Variants in MAF1 observed in about 807,000 individuals in gnomAD.
MAF1 encodes the protein repressor of RNA polymerase III transcription MAF1 homolog.
A neutral mutation model predicts 31.9 loss-of-function variants in MAF1; 7 were observed. The observed-to-expected ratio is 0.22, with a 90% CI of 0.12 to 0.41. MAF1 has a LOEUF of 0.41. Among genes scored for constraint, MAF1 ranks in the 10% least tolerant of loss-of-function variants. MAF1 has a pLI of 1.00. For missense variants in MAF1, 221 were observed against 323.1 expected, an observed-to-expected ratio of 0.68 and a Z score of 2.42; for synonymous variants, 157 against 120.0, an observed-to-expected ratio of 1.31 and a Z score of -2.02.
In MAF1 at chr8:144,106,685, C is replaced by G; in HGVS notation, c.620+11C>G. The G allele has an allele frequency of 6.2e-7, 1 of 1,609,546 alleles. No individual in the cohort carries two copies. Among genetic ancestry groups the G allele is most frequent in the Non-Finnish European group, 8.5e-7 (1 of 1,177,154 alleles). ...CTGCCGTTCCATCAGGTGGGCACCC[C>G]CCGCCTCCTCCCCCACCTCCCTGTT... On this transcript the variant is annotated intron_variant, in intron 6 of 7. Coordinates refer to ENST00000322428, the MANE Select transcript of MAF1 (RefSeq NM_032272.5).
chr8:144,107,558 T>C lies in MAF1; in HGVS notation c.*449T>C. On this transcript the variant is annotated 3_prime_UTR_variant, in exon 8 of 8. Transcript: ENST00000322428. ...ACCTCGCCCATTTGGCCGCGTGCAC[T>C]GAGTGTCACTTTGCTGCAGCTCGTT... The C allele has an allele frequency of 1.6e-6, 1 of 617,720 alleles. No individual in the cohort carries two copies. The highest frequency in any genetic ancestry group is 2.8e-5 in the East Asian group (1 of 36,282). 38.3% of individuals were successfully genotyped at this position (617,720 alleles called of 1,614,324 possible). A position where few individuals can be genotyped will look rare whatever the true frequency, so the allele number is the denominator to read the frequency against.
chr8:144,107,610 TAGTG>T (rs1323824825), exon 8 of MAF1: 6 of 569,116 alleles, frequency 1.1e-5, no homozygotes, highest in African/African-American at 1.9e-5. Context: ...TTCTGTGACT[TAGTG>T]TGGACCTGAT....
At position 144,106,395 on chromosome 8, in the gene MAF1, A is replaced by G. The variant is rs1367174550; in HGVS notation, c.431A>G (p.Lys144Arg). ...TTCTCAGCTGTGCGGGAGGACTTCA[A>G]GGATCTGAAACCACAGCTGTGGAAC... Reference protein sequence around the residue: ...SLFSAVREDFKDLKPQLWNAV... With the variant: ...SLFSAVREDFRDLKPQLWNAV... The change falls in exon 5 of 8, where the codon AAG (lysine) becomes AGG (arginine). Residue 144 changes from lysine (K) to arginine (R), a missense_variant. By Grantham distance (26) the Lys-to-Arg change is conservative. Around this residue, in one of 2 missense-constraint regions of MAF1, gnomAD observed 146 missense variants for 263.1 expected, o/e 0.56. Transcript: ENST00000322428. 6.2e-7 allele frequency: 1 copy of G among 1,613,848 alleles called. No individual in the cohort carries two copies. The highest frequency in any genetic ancestry group is 1.3e-5 in the African/African-American group (1 of 74,926).
intron 7 of MAF1, 25 bp downstream of exon 7, chr8:144,106,988 G>C: frequency 1.3e-6 from 2 of 1,546,330 alleles, no homozygotes; most frequent in Non-Finnish European, 1.7e-6. Context: ...CCATGACCCG[G>C]GTCCTTGAAG....
At chr8:144,106,800 G>C (rs1836423226) in intron 6 of MAF1, 35 bp from the exon 7 acceptor site, 1 of 1,543,726 alleles carries the variant, frequency 6.5e-7, no homozygotes, top group South Asian at 1.3e-5. Context: ...GGCCTGGGTA[G>C]GGGTCCTGAA....
In MAF1 at chr8:144,106,617, ACTT is replaced by A. The variant is rs770705355; in HGVS notation, c.569_571del (p.Phe190del). 9 of 1,613,514 alleles carry A rather than the reference ACTT, an allele frequency of 5.6e-6. No individual in the cohort carries two copies. Among genetic ancestry groups the A allele is most frequent in the Admixed American group, 1.7e-5 (1 of 59,994 alleles). On this transcript the variant is annotated inframe_deletion, in exon 6 of 8. Coordinates refer to ENST00000322428, the MANE Select transcript of MAF1 (RefSeq NM_032272.5). ...GATGGTAGCCTCTGGTCCTTCAACT[ACTT>A]CTTCTACAACAAGCGGCTCAAGCGA...
Position 144,106,218 on chromosome 8 carries a change from A to G in MAF1, c.355A>G (p.Ser119Gly), listed in dbSNP as rs964877304. Residue 119 changes from serine (S) to glycine (G), a missense_variant, in exon 4 of 8, where the codon AGC becomes GGC. Ser to Gly is a moderately conservative substitution (Grantham distance 56). Around this residue, in one of 2 missense-constraint regions of MAF1, gnomAD observed 146 missense variants for 263.1 expected, o/e 0.56. Transcript: ENST00000322428. ...CAGCACAGCCCGCAGCCATGAGTTC[A>G]GCCGGGAGCCCAGCCTTAGCTGGGT... ...DFSTARSHEF[S>G]REPSLSWVVN... The G allele has an allele frequency of 6.2e-7, 1 of 1,613,646 alleles. No individual in the cohort carries two copies. The highest frequency in any genetic ancestry group is 8.5e-7 in the Non-Finnish European group (1 of 1,180,034).
Position 144,106,063 on chromosome 8 carries a change from T to C in MAF1, c.213-13T>C. On this transcript the variant is annotated splice_polypyrimidine_tract_variant and intron_variant, in intron 3 of 7. Transcript: ENST00000322428. ...GGAGGTGATGGGCCCAGCTGATGGTTCTGTCTGTGCAGACTCAGCAAAAGC... is the reference window on the plus strand; with the variant it reads ...GGAGGTGATGGGCCCAGCTGATGGTCCTGTCTGTGCAGACTCAGCAAAAGC... The C allele has an allele frequency of 6.2e-7, 1 of 1,613,612 alleles. No individual in the cohort carries two copies. The highest frequency in any genetic ancestry group is 8.5e-7 in the Non-Finnish European group (1 of 1,180,026).
rs979723142 is a variant in MAF1, at chr8:144,107,091, C to T, written c.753C>T (p.Val251=). The change falls in exon 8 of 8, where the codon GTC becomes GTT. Residue 251 remains valine (V), a synonymous_variant. Transcript: ENST00000322428. The part of the protein sequence containing the change: ...EETSTMEEDR[V]PVICI ...CTGTGTGCCAACCTCCGCCCAGGGT[C>T]CCAGTGATCTGTATTTGATGAGGAG... 1.8e-5 allele frequency: 28 copies of T among 1,573,568 alleles called. No homozygotes were observed. Among genetic ancestry groups the T allele is most frequent in the African/African-American group, 2.7e-5 (2 of 73,702 alleles).
intron 4 of MAF1, 39 bp downstream of exon 4, chr8:144,106,280 C>T: frequency 6.2e-7 from 1 of 1,613,054 alleles, no homozygotes; most frequent in South Asian, 1.1e-5. Flanking sequence ...ACAGCCACCC[C>T]ACTGTCCTTC....
rs1189416314 is a variant in MAF1, at chr8:144,107,078, C to T, written c.750-10C>T. Reference sequence around the variant, plus strand: ...TCCTGAAGGCCCACTGTGTGCCAACCTCCGCCCAGGGTCCCAGTGATCTGT... The same window carrying T: ...TCCTGAAGGCCCACTGTGTGCCAACTTCCGCCCAGGGTCCCAGTGATCTGT... On this transcript the variant is annotated splice_polypyrimidine_tract_variant and intron_variant, in intron 7 of 7. Coordinates refer to ENST00000322428, the MANE Select transcript of MAF1 (RefSeq NM_032272.5). 1 of 1,574,258 alleles carries T rather than the reference C, an allele frequency of 6.4e-7. No individual in the cohort carries two copies. The highest frequency in any genetic ancestry group is 8.6e-7 in the Non-Finnish European group (1 of 1,159,880).
chr8:144,106,387 G>A lies in MAF1; in HGVS notation c.423G>A (p.Glu141=). The part of the protein sequence containing the change: ...VNCSLFSAVR[E]DFKDLKPQLW... ...GCAGTCTGTTCTCAGCTGTGCGGGA[G>A]GACTTCAAGGATCTGAAACCACAGC... Residue 141 remains glutamate, a synonymous_variant, in exon 5 of 8, where the codon GAG becomes GAA. Coordinates refer to ENST00000322428, the MANE Select transcript of MAF1 (RefSeq NM_032272.5). 2 of 1,613,974 alleles carry A rather than the reference G, an allele frequency of 1.2e-6. No individual in the cohort carries two copies. Among genetic ancestry groups the A allele is most frequent in the African/African-American group, 1.3e-5 (1 of 75,052 alleles).
chr8:144,106,292 C>T, intron 4 of MAF1, 51 bp downstream of exon 4: 1 of 1,612,846 alleles, frequency 6.2e-7, no homozygotes, highest in South Asian at 1.1e-5. Context: ...CTGTCCTTCC[C>T]CACTTTGGGT....
At chr8:144,105,328 T>G in intron 1 of MAF1, 1 of 267,200 alleles carries the variant, frequency 3.7e-6, no homozygotes, top group Non-Finnish European at 7.3e-6. Flanking sequence ...AGATGGGGAA[T>G]GGGAATGTTG....
rs1316919254 is a variant in MAF1, at chr8:144,104,740, G to C, written c.-163G>C. 2.0e-5 allele frequency: 3 copies of C among 152,134 alleles called. No individual in the cohort carries two copies. Among genetic ancestry groups the C allele is most frequent in the Admixed American group, 2.0e-4 (3 of 15,282 alleles). 9.4% of individuals were successfully genotyped at this position (152,134 alleles called of 1,614,324 possible). ...AGCGGAGGCCGCGGCGCCGCCCTCCGATCTTGAAGAGCCCGCGCTGCGCGG... is the reference window on the plus strand; with the variant it reads ...AGCGGAGGCCGCGGCGCCGCCCTCCCATCTTGAAGAGCCCGCGCTGCGCGG... On this transcript the variant is annotated 5_prime_UTR_variant, in exon 1 of 8. Transcript: ENST00000322428.
intron 7 of MAF1, 60 bp downstream of exon 7, chr8:144,107,023 G>A (rs182754880): frequency 6.4e-7 from 1 of 1,558,164 alleles, no homozygotes; most frequent in Non-Finnish European, 8.7e-7. Flanking sequence ...AACAGGGTGG[G>A]GGCCTCCTCT....
rs1246037961 is a variant in MAF1 at position 144,105,403 on chromosome 8, A to G, written c.-44-237A>G. The G allele has an allele frequency of 2.9e-5, 14 of 484,322 alleles. No individual in the cohort carries two copies. In the East Asian group the frequency reaches 5.2e-4, roughly 18 times the overall value. The allele number at this position is 484,322 out of a possible 1,614,324, so 30.0% of individuals were successfully genotyped here. On this transcript the variant is annotated intron_variant, in intron 1 of 7. Transcript: ENST00000322428. ...CCCCGGTGGTCTAGTCTAGTCCCAG[A>G]ACTCGCGTGTTCTGCAGGGGGTATG...
chr8:144,107,069 T>G lies in MAF1; in HGVS notation c.750-19T>G. 8 of 1,573,736 alleles carry G rather than the reference T, an allele frequency of 5.1e-6. No homozygotes were observed. The highest frequency in any genetic ancestry group is 6.0e-6 in the Non-Finnish European group (7 of 1,159,646). The stretch of plus-strand genomic sequence containing the variant: ...AGTGGTGGCTCCTGAAGGCCCACTG[T>G]GTGCCAACCTCCGCCCAGGGTCCCA... On this transcript the variant is annotated intron_variant, in intron 7 of 7. Transcript: ENST00000322428.
At chr8:144,106,486 T>A (rs1836416147) in intron 5 of MAF1, 22 bp downstream of exon 5, 1 of 1,613,810 alleles carries the variant, frequency 6.2e-7, no homozygotes, top group South Asian at 1.1e-5. Flanking sequence ...TCCCTGCAGA[T>A]GGCCTCCAGG....
Sources: allele counts gnomAD v4.1 joint callset, GRCh38; gene constraint gnomAD v4.1.1; regional missense constraint gnomAD v4.1.1; transcripts MANE v1.5; gene names NCBI Gene and HGNC (gene_info 2026-07-23, HGNC 2026-07-21).